CENPI: variants seen among roughly 807,000 people sequenced by gnomAD.
CENPI encodes FSH primary response 1.
In CENPI, 4 loss-of-function variants were observed where a neutral mutation model predicts 60.4. The observed-to-expected ratio is 0.07, with a 90% confidence interval of 0.03 to 0.15. CENPI has a LOEUF of 0.15. Ranked by LOEUF, CENPI falls within the 10% of genes least tolerant of loss-of-function variation. The probability of loss-of-function intolerance (pLI) is 1.00; values close to 1 mark genes in which losing one functional copy is unlikely to be tolerated. For missense variants in CENPI, 444 were observed against 534.5 expected, an observed-to-expected ratio of 0.83 and a Z score of 1.67; for synonymous variants, 157 against 189.4, an observed-to-expected ratio of 0.83 and a Z score of 1.40.
the CENPI span, among the ~76,000 whole-genome samples, chrX:101,173,716 T>C: frequency 1.4e-4 from 15 of 110,278 alleles, no homozygotes; most frequent in Middle Eastern, 4.6e-3. Context: ...GATAAATTAC[T>C]GAAAACACAA....
At chrX:101,171,608 G>C in the CENPI span, among the ~76,000 whole-genome samples, 3 of 100,252 alleles carry the variant, frequency 3.0e-5, no homozygotes, top group South Asian at 1.5e-3. Context: ...GGCTAAATGA[G>C]TTTTTGTAGA....
intron 4 of CENPI, among the ~76,000 whole-genome samples, chrX:101,105,611 G>A (rs1450034942): frequency 9.0e-6 from 1 of 111,320 alleles, no homozygotes; most frequent in Admixed American, 9.6e-5. Flanking sequence ...GTCTCGCTGT[G>A]TTGTCCAGAC....
At chrX:101,134,883 G>C (rs2089830533) in intron 15 of CENPI, among the ~76,000 whole-genome samples, 2 of 110,237 alleles carry the variant, frequency 1.8e-5, no homozygotes, top group South Asian at 7.8e-4. Context: ...AATTAGCCGG[G>C]CGTGCCCATA....
chrX:101,105,358 C>T (rs1008260688), intron 4 of CENPI, among the ~76,000 whole-genome samples: 1 of 110,169 alleles, frequency 9.1e-6, no homozygotes, highest in South Asian at 3.8e-4. Context: ...CCCCGTCTCT[C>T]CTAAAAATAC....
At chrX:101,131,278 T>G (rs1299100216) in intron 13 of CENPI, among the ~76,000 whole-genome samples, 2 of 111,838 alleles carry the variant, frequency 1.8e-5, no homozygotes, top group Non-Finnish European at 3.8e-5. Flanking sequence ...CCCAAAGTGC[T>G]GAGATTATAG....
chrX:101,173,006 T>C, the CENPI span, among the ~76,000 whole-genome samples: 2 of 97,271 alleles, frequency 2.1e-5, no homozygotes, highest in Admixed American at 1.2e-4. Flanking sequence ...TAAGTAGTTG[T>C]AGGAATTTTT....
chrX:101,101,381 G>A (rs750071665), intron 3 of CENPI, 85 bp downstream of exon 3: 157 of 699,128 alleles, frequency 2.2e-4, no homozygotes, highest in Non-Finnish European at 3.2e-4. Flanking sequence ...TTAAAGGAAA[G>A]CATAATTTTG....
rs769687757 is a variant in CENPI, at chrX:101,128,748, C to T, written c.1107C>T (p.Asn369=). 4 of 1,206,564 alleles carry T rather than the reference C, an allele frequency of 3.3e-6. No homozygotes were observed. The highest frequency in any genetic ancestry group is 4.5e-6 in the Non-Finnish European group (4 of 892,188). ...CTCAGATGGGCTCAGTGCTAAACAA[C>T]TCTCTGCTGCTTCACTACATTAACT... ...LPSQMGSVLN[N]SLLLHYINCV... is the part of the protein sequence containing the mutation. Residue 369 remains asparagine (N), a synonymous_variant, in exon 12 of 22, where the codon AAC becomes AAT. Transcript: ENST00000682095.
Position 101,132,379 on chromosome X carries a change from T to A in CENPI, c.1406-13T>A. ...TTGAAAGGATTTTGAATAATCTTTT[T>A]TTTGATTCCTAGAGGTGAAACCACT... On this transcript the variant is annotated splice_polypyrimidine_tract_variant and intron_variant, in intron 14 of 21. Coordinates refer to ENST00000682095, the MANE Select transcript of CENPI (RefSeq NM_001386188.2). 1 of 1,204,130 alleles carries A rather than the reference T, an allele frequency of 8.3e-7. No homozygotes were observed. Among genetic ancestry groups the A allele is most frequent in the East Asian group, 3.0e-5 (1 of 33,749 alleles).
At chrX:101,120,278 T>C (rs1569499689) in intron 6 of CENPI, 124 bp from the exon 7 acceptor site, 1 of 364,189 alleles carries the variant, frequency 2.7e-6, no homozygotes, top group Non-Finnish European at 4.9e-6. Context: ...GTAAAACTAT[T>C]GTTCAGTGAA....
intron 10 of CENPI, 58 bp from the exon 11 acceptor site, chrX:101,127,440 A>G: frequency 9.8e-7 from 1 of 1,025,623 alleles, no homozygotes; most frequent in Non-Finnish European, 1.3e-6. Flanking sequence ...TTGCTTTTAT[A>G]TTTGTGGTTT....
In CENPI at chrX:101,126,689, G is replaced by A. The variant is rs747403992; in HGVS notation, c.688-20G>A. 9.4e-6 allele frequency: 11 copies of A among 1,169,302 alleles called. No homozygotes were observed. Among genetic ancestry groups the A allele is most frequent in the Non-Finnish European group, 1.3e-5 (11 of 860,236 alleles). On this transcript the variant is annotated intron_variant, in intron 8 of 21. Coordinates refer to ENST00000682095, the MANE Select transcript of CENPI (RefSeq NM_001386188.2). ...CTTAATAGCCACAGAATTGAAAATG[G>A]AAAACTTATTTTATTTCAGGGAATG...
At chrX:101,128,563 C>G (rs1239533328) in intron 11 of CENPI, among the ~76,000 whole-genome samples, 153 bp from the exon 12 acceptor site, 11 of 112,228 alleles carry the variant, frequency 9.8e-5, no homozygotes, top group Non-Finnish European at 1.7e-4. Flanking sequence ...CTCCTAGGCT[C>G]AAGTGATCCT....
intron 13 of CENPI, among the ~76,000 whole-genome samples, chrX:101,130,335 G>A (rs1392324320): frequency 9.0e-6 from 1 of 111,406 alleles, no homozygotes; most frequent in East Asian, 2.8e-4. Flanking sequence ...TCAGGAGGAT[G>A]AGGTAGGAGG....
At chrX:101,139,814 T>A (rs1207794428) in intron 15 of CENPI, among the ~76,000 whole-genome samples, 1 of 91,143 alleles carries the variant, frequency 1.1e-5, no homozygotes, top group Non-Finnish European at 2.2e-5. Context: ...TATGTCATTA[T>A]TGTATGTTTT....
intron 5 of CENPI, 38 bp from the exon 6 acceptor site, chrX:101,109,853 A>G (rs373916873): frequency 4.6e-5 from 45 of 982,732 alleles, no homozygotes; most frequent in Non-Finnish European, 6.1e-5. Context: ...TGTACCAGTT[A>G]TATTTCTTTA....
At chrX:101,162,454 TCAA>T (rs1293908203) in intron 21 of CENPI, among the ~76,000 whole-genome samples, 1 of 47,912 alleles carries the variant, frequency 2.1e-5, no homozygotes, top group Non-Finnish European at 3.6e-5. Flanking sequence ...AAACCGTATC[TCAA>T]AAAAAAAAAA....
chrX:101,102,453 G>A (rs1216471036), intron 4 of CENPI, 42 bp downstream of exon 4: 2 of 962,122 alleles, frequency 2.1e-6, no homozygotes, highest in East Asian at 3.4e-5. Flanking sequence ...AACTCACCTA[G>A]CACCTATATT....
At chrX:101,162,471 A>ATATATATATATAT (rs1182467283) in intron 21 of CENPI, among the ~76,000 whole-genome samples, 3 of 76,282 alleles carry the variant, frequency 3.9e-5, no homozygotes, top group African/African-American at 1.8e-4. Context: ...AAAAAAAAAA[A>ATATATATATATAT]AAATATATAT....
Sources: allele counts gnomAD v4.1 joint callset (sites outside exome capture counted in the v4.1 genomes callset), GRCh38; gene constraint gnomAD v4.1.1; transcripts MANE v1.5; gene names NCBI Gene and HGNC (gene_info 2026-07-23, HGNC 2026-07-21).